TP63: variants seen among roughly 807,000 people sequenced by gnomAD.
TP63 encodes the protein tumor protein 63.
A neutral mutation model predicts 82.8 loss-of-function variants in TP63; 17 were observed. The observed-to-expected ratio is 0.21, with a 90% CI of 0.14 to 0.31. The LOEUF is 0.31. TP63 is among the 10% of genes least tolerant of loss of function. The pLI, the probability that TP63 is intolerant of heterozygous loss-of-function variation, is 1.00. For synonymous variants in TP63, 330 were observed against 321.7 expected, an observed-to-expected ratio of 1.03 and a Z score of -0.28; for missense variants, 648 against 895.3, an observed-to-expected ratio of 0.72 and a Z score of 3.52.
chr3:189,831,818 CTTTTTTTT>C (rs1156431272), intron 4 of TP63, among the ~76,000 whole-genome samples: 6 of 73,170 alleles, frequency 8.2e-5, no homozygotes, highest in Non-Finnish European at 1.5e-4. Context: ...CTATTATGCT[CTTTTTTTT>C]TTTTTTTTTT....
intron 1 of TP63, among the ~76,000 whole-genome samples, chr3:189,658,465 G>A (rs911250588): frequency 6.6e-6 from 1 of 151,960 alleles, no homozygotes; most frequent in South Asian, 2.1e-4. Flanking sequence ...GAGAAACTTT[G>A]CAAACACTCC....
chr3:189,775,162 G>A (rs143610841), intron 3 of TP63, among the ~76,000 whole-genome samples: 3,559 of 149,290 alleles, frequency 0.024, 158 homozygotes, highest in African/African-American at 0.084. Context: ...GGAGGTTGTG[G>A]TGAGCCAAGA....
At chr3:189,699,670 T>TA (rs534255508) in intron 1 of TP63, among the ~76,000 whole-genome samples, 41 of 151,714 alleles carry the variant, frequency 2.7e-4, no homozygotes, top group East Asian at 2.5e-3. Flanking sequence ...ATATTTGTTT[T>TA]AAAAAAAAAT....
At chr3:189,815,116 T>C (rs572923840) in intron 4 of TP63, among the ~76,000 whole-genome samples, 27 of 152,150 alleles carry the variant, frequency 1.8e-4, no homozygotes, top group Non-Finnish European at 3.2e-4. Flanking sequence ...TCTTTTTTCC[T>C]TCATTTATGT....
chr3:189,806,066 T>TC, intron 3 of TP63, among the ~76,000 whole-genome samples: 1 of 149,388 alleles, frequency 6.7e-6, no homozygotes, highest in South Asian at 2.2e-4. Context: ...TTTTTTTTTT[T>TC]TGCCCCTTAC....
chr3:189,750,500 A>G (rs757215905), intron 3 of TP63, among the ~76,000 whole-genome samples: 5 of 152,246 alleles, frequency 3.3e-5, no homozygotes, highest in Admixed American at 3.3e-4. Flanking sequence ...CATAGAAATG[A>G]TAAATACTCA....
the TP63 span, among the ~76,000 whole-genome samples, chr3:189,613,505 C>G: frequency 6.6e-6 from 1 of 152,188 alleles, no homozygotes; most frequent in Non-Finnish European, 1.5e-5. Context: ...TGGAGAACCT[C>G]GGCTTGGGCA....
chr3:189,837,811 A>G (rs1339265788), intron 4 of TP63, among the ~76,000 whole-genome samples: 1 of 151,466 alleles, frequency 6.6e-6, no homozygotes, highest in Non-Finnish European at 1.5e-5. Context: ...TTCTTTAGGG[A>G]CAGGGGTTTT....
chr3:189,875,613 T>TACACAC (rs1386670318), intron 10 of TP63, among the ~76,000 whole-genome samples: 1 of 105,506 alleles, frequency 9.5e-6, no homozygotes, highest in Non-Finnish European at 1.9e-5. Context: ...TATATATATA[T>TACACAC]ATATATATAT....
chr3:189,789,729 C>CAGGG (rs34201045), intron 3 of TP63: 3 of 1,482,582 alleles, frequency 2.0e-6, no homozygotes, highest in Admixed American at 2.2e-5. Context: ...GTAAGGGTCT[C>CAGGG]GGGGTGGGGG....
intron 4 of TP63, among the ~76,000 whole-genome samples, chr3:189,846,970 C>T (rs1318433800): frequency 6.6e-6 from 1 of 152,018 alleles, no homozygotes; most frequent in Admixed American, 6.6e-5. Flanking sequence ...CATGAGCCAC[C>T]ACGCTTGGCC....
intron 3 of TP63, among the ~76,000 whole-genome samples, chr3:189,786,713 C>G (rs1029328362): frequency 6.6e-6 from 1 of 151,914 alleles, no homozygotes; most frequent in Non-Finnish European, 1.5e-5. Context: ...TGGAGCTTTA[C>G]GAAGTCTGAG....
At chr3:189,793,883 G>A (rs1204977035) in intron 3 of TP63, among the ~76,000 whole-genome samples, 1 of 152,028 alleles carries the variant, frequency 6.6e-6, no homozygotes, top group African/African-American at 2.4e-5. Context: ...GACTAATATA[G>A]CATTATTGTC....
At chr3:189,724,888 G>C (rs867187104) in intron 1 of TP63, among the ~76,000 whole-genome samples, 1 of 152,100 alleles carries the variant, frequency 6.6e-6, no homozygotes, top group African/African-American at 2.4e-5. Flanking sequence ...TGGGGGTACG[G>C]GAGAGACTAA....
At chr3:189,820,629 G>A (rs1215520604) in intron 4 of TP63, among the ~76,000 whole-genome samples, 4 of 152,308 alleles carry the variant, frequency 2.6e-5, no homozygotes, top group Middle Eastern at 3.4e-3. Context: ...AGTGAGTGGA[G>A]CCTTTTACAG....
chr3:189,670,886 A>G (rs1423535297), intron 1 of TP63, among the ~76,000 whole-genome samples: 1 of 152,100 alleles, frequency 6.6e-6, no homozygotes. Flanking sequence ...AAATCAACTC[A>G]AAATGAATGA....
chr3:189,875,553 G>C lies in TP63; in HGVS notation c.1349+2558G>C, dbSNP rs1394880812. Reference sequence around the variant, plus strand: ...TGCACTCCAGCCTGGGCAACAGAGAGAGACTTCATCTCAAAAAGAAAAAGA... The same window carrying C: ...TGCACTCCAGCCTGGGCAACAGAGACAGACTTCATCTCAAAAAGAAAAAGA... On this transcript the variant is annotated intron_variant, in intron 10 of 13. Transcript: ENST00000264731. Among the ~76,000 whole-genome samples, 5 of 136,180 alleles carry C rather than the reference G, an allele frequency of 3.7e-5. No individual in the cohort carries two copies. In the South Asian group the frequency reaches 9.3e-4, roughly 25 times the overall value. The allele number at this position is 136,180 out of a possible 152,430, so 89.3% of individuals were successfully genotyped here.
chr3:189,809,979 C>A (rs1433260651), intron 4 of TP63, among the ~76,000 whole-genome samples: 1 of 152,118 alleles, frequency 6.6e-6, no homozygotes, highest in Non-Finnish European at 1.5e-5. Flanking sequence ...TTCTTTCAAC[C>A]ATTTTATATC....
chr3:189,611,737 T>C, the TP63 span, among the ~76,000 whole-genome samples: 1 of 152,254 alleles, frequency 6.6e-6, no homozygotes, highest in Non-Finnish European at 1.5e-5. Flanking sequence ...ATTTTAATGA[T>C]ATTGATTCTT....
Sources: allele counts gnomAD v4.1 joint callset (sites outside exome capture counted in the v4.1 genomes callset), GRCh38; gene constraint gnomAD v4.1.1; transcripts MANE v1.5; gene names NCBI Gene and HGNC (gene_info 2026-07-23, HGNC 2026-07-21).